Variants in AXDND1 observed in about 807,000 individuals in gnomAD.
AXDND1 encodes the protein axonemal dynein light chain domain containing 1, also known as axonemal dynein light chain domain-containing protein 1.
A neutral mutation model predicts 137.5 loss-of-function variants in AXDND1; 110 were observed. The observed-to-expected ratio is 0.80, with a 90% CI of 0.69 to 0.94. The LOEUF is 0.94. AXDND1 is among the 40% of genes least tolerant of loss of function. The pLI is 0.00. For synonymous variants in AXDND1, 414 were observed against 399.7 expected (o/e 1.04, Z -0.43); for missense variants, 1,191 against 1,169.8 (o/e 1.02, Z -0.26).
At chr1:179,455,297 A>AAAGT (rs1558203995) in intron 16 of AXDND1, 7 of 85,866 alleles carry the variant, frequency 8.2e-5, no homozygotes, top group African/African-American at 3.4e-4. Context: ...AAAAAAAGTA[A>AAAGT]AAAAAAAAAA....
chr1:179,397,563 A>T (rs1651261981), intron 11 of AXDND1, among the ~76,000 whole-genome samples: 1 of 152,210 alleles, frequency 6.6e-6, no homozygotes, highest in Non-Finnish European at 1.5e-5. Context: ...CTCATGGATG[A>T]TACCCTAAAA....
intron 4 of AXDND1, among the ~76,000 whole-genome samples, chr1:179,371,453 G>A (rs1386990475): frequency 5.3e-5 from 8 of 151,976 alleles, no homozygotes; most frequent in Non-Finnish European, 8.8e-5. Context: ...AAAAAATAAA[G>A]TTTTAATGTC....
At chr1:179,440,989 A>T (rs1658898740) in intron 15 of AXDND1, among the ~76,000 whole-genome samples, 1 of 152,210 alleles carries the variant, frequency 6.6e-6, no homozygotes. Context: ...ATAGTGGCAC[A>T]ACCTTTGGAA....
intron 21 of AXDND1, among the ~76,000 whole-genome samples, chr1:179,520,552 A>T (rs1284060646): frequency 1.3e-5 from 2 of 152,092 alleles, no homozygotes; most frequent in East Asian, 3.9e-4. Context: ...AGCTGGGACT[A>T]TGGCATGCAC....
intron 12 of AXDND1, among the ~76,000 whole-genome samples, chr1:179,423,083 T>C (rs1656016508): frequency 6.6e-6 from 1 of 152,134 alleles, no homozygotes; most frequent in Non-Finnish European, 1.5e-5. Flanking sequence ...TTTATATCTG[T>C]TAATGTTTGC....
At chr1:179,495,702 G>A (rs1434602764) in intron 20 of AXDND1, among the ~76,000 whole-genome samples, 1 of 150,076 alleles carries the variant, frequency 6.7e-6, no homozygotes, top group Non-Finnish European at 1.5e-5. Flanking sequence ...TCTTTTTCTT[G>A]CCTTATTGCA....
chr1:179,396,170 T>G (rs933614505), intron 11 of AXDND1, among the ~76,000 whole-genome samples: 1 of 99,656 alleles, frequency 1.0e-5, no homozygotes, highest in African/African-American at 3.9e-5. Flanking sequence ...TTCTGTCCCA[T>G]AAAAAGAAAA....
chr1:179,440,959 G>A (rs11802625), intron 15 of AXDND1, among the ~76,000 whole-genome samples: 44,578 of 151,986 alleles, frequency 0.29, 6,731 homozygotes, highest in Non-Finnish European at 0.31. Context: ...ATTATTGTTT[G>A]AGTATGTTTT....
At chr1:179,553,295 A>G (rs1451728898) in intron 25 of AXDND1, among the ~76,000 whole-genome samples, 1 of 152,224 alleles carries the variant, frequency 6.6e-6, no homozygotes. Flanking sequence ...TTCACTCAAA[A>G]ACTTGCAAAT....
intron 22 of AXDND1, among the ~76,000 whole-genome samples, chr1:179,526,261 A>G (rs1349342883): frequency 5.5e-5 from 8 of 144,924 alleles, no homozygotes. Flanking sequence ...GGACATTTGT[A>G]ATAATAATAA....
intron 11 of AXDND1, among the ~76,000 whole-genome samples, chr1:179,408,815 A>G (rs1653385501): frequency 6.6e-6 from 1 of 152,110 alleles, no homozygotes; most frequent in African/African-American, 2.4e-5. Flanking sequence ...GAGTAGCTAG[A>G]CTACAGGTAC....
intron 16 of AXDND1, chr1:179,448,326 A>G: frequency 2.7e-6 from 2 of 742,354 alleles, no homozygotes; most frequent in Non-Finnish European, 2.5e-6. Context: ...GCACAGTCAT[A>G]GAGCACACTA....
At position 179,382,703 on chromosome 1, in the gene AXDND1, A is replaced by C. The variant is rs755330911; in HGVS notation, c.585A>C (p.Lys195Asn). 5.6e-6 allele frequency: 9 copies of C among 1,600,988 alleles called. No individual in the cohort carries two copies. In the Admixed American group the frequency reaches 1.5e-4, roughly 27 times the overall value. The change falls in exon 7 of 26, where the codon AAA (lysine) becomes AAC (asparagine). Residue 195 changes from lysine to asparagine, a missense_variant. Lys to Asn is a moderately conservative substitution (Grantham distance 94, BLOSUM62 0). Transcript: ENST00000367618. ...TTACCTATCTTATTTATTGTAGCAA[A>C]TACACTACTCTCCTCACAGATAGTG... Reference protein sequence around the residue: ...GVSGLECYDDKYTTLLTDSEN... With the variant: ...GVSGLECYDDNYTTLLTDSEN...
At chr1:179,403,221 A>G (rs775034858) in intron 11 of AXDND1, among the ~76,000 whole-genome samples, 5 of 152,226 alleles carry the variant, frequency 3.3e-5, no homozygotes, top group Non-Finnish European at 7.3e-5. Flanking sequence ...CATAAGGAAG[A>G]GAAAATACAT....
intron 20 of AXDND1, among the ~76,000 whole-genome samples, chr1:179,494,152 G>A (rs554059090): frequency 1.4e-4 from 21 of 152,038 alleles, no homozygotes; most frequent in African/African-American, 3.4e-4. Flanking sequence ...GGGTTTCACC[G>A]TGTTGACCAG....
chr1:179,522,521 T>G (rs1162891207), intron 21 of AXDND1, among the ~76,000 whole-genome samples: 1 of 152,080 alleles, frequency 6.6e-6, no homozygotes, highest in Admixed American at 6.6e-5. Flanking sequence ...AGTAGGAGAT[T>G]AGTTAAATAC....
intron 16 of AXDND1, among the ~76,000 whole-genome samples, chr1:179,459,676 CTCT>C (rs908565167): frequency 6.3e-5 from 7 of 111,852 alleles, no homozygotes; most frequent in African/African-American, 2.7e-4. Flanking sequence ...GCTTTCTTTT[CTCT>C]TCTTTTCTTT....
intron 25 of AXDND1, chr1:179,545,472 G>A (rs534140481): frequency 6.6e-6 from 1 of 152,234 alleles, no homozygotes; most frequent in East Asian, 1.9e-4. Flanking sequence ...TCTGCGAAAA[G>A]AAAACATGAA....
chr1:179,543,693 T>C (rs532934097), intron 25 of AXDND1: 37 of 152,314 alleles, frequency 2.4e-4, no homozygotes, highest in African/African-American at 7.5e-4. Context: ...TCTTCACTCC[T>C]TGACCACATT....
Sources: gnomAD v4.1 joint callset for allele counts (sites outside exome capture counted in the v4.1 genomes callset) on GRCh38, gnomAD v4.1.1 for gene constraint, MANE v1.5 for transcripts, NCBI Gene and HGNC (gene_info 2026-07-23, HGNC 2026-07-21) for gene names.